The following PPP1R21 variants were observed in gnomAD, a reference collection of about 807,000 sequenced individuals.
The protein encoded by PPP1R21 is KLRAQ motif containing 1.
PPP1R21 carries 85 observed loss-of-function variants against 112.8 expected under a neutral mutation model. The ratio of observed to expected loss-of-function variants is 0.75; its 90% CI spans 0.63 to 0.90. PPP1R21 has a LOEUF of 0.90. PPP1R21 is among the 40% of genes least tolerant of loss of function. PPP1R21 has a pLI of 0.00. For missense variants in PPP1R21, 1,199 were observed against 901.5 expected (o/e 1.33, Z -4.23); for synonymous variants, 381 against 322.3 (o/e 1.18, Z -1.95).
In PPP1R21 at chr2:48,515,162, TCTTATTATAGTTGAAGGCATTCTCCAG is replaced by T. The variant is rs1211619431; in HGVS notation, c.*419_*445del. The T allele has an allele frequency of 1.3e-5, 2 of 155,454 alleles. No homozygotes were observed. Among genetic ancestry groups the T allele is most frequent in the African/African-American group, 5.3e-5 (2 of 38,066 alleles). 9.6% of individuals were successfully genotyped at this position (155,454 alleles called of 1,614,324 possible). On this transcript the variant is annotated 3_prime_UTR_variant, in exon 22 of 22. Coordinates refer to ENST00000294952, the MANE Select transcript of PPP1R21 (RefSeq NM_001135629.3). ...CTTAAATTGTCAAACTGTCATTACT[TCTTATTATAGTTGAAGGCATTCTCCAG>T]ATTCTTTTTAAAAGATTTGTTCATA...
At chr2:48,476,928 C>A (rs752583546) in intron 12 of PPP1R21, among the ~76,000 whole-genome samples, 2 of 151,912 alleles carry the variant, frequency 1.3e-5, no homozygotes, top group African/African-American at 4.8e-5. Context: ...CTTTGAGGAA[C>A]AAAAATGTTC....
chr2:48,471,163 T>C lies in PPP1R21; in HGVS notation c.974T>C (p.Ile325Thr), dbSNP rs1396883132. 2 of 1,613,168 alleles carry C rather than the reference T, an allele frequency of 1.2e-6. No individual in the cohort carries two copies. Among genetic ancestry groups the C allele is most frequent in the East Asian group, 2.2e-5 (1 of 44,828 alleles). The change falls in exon 10 of 22, where the codon ATC (isoleucine) becomes ACC (threonine). Residue 325 changes from isoleucine to threonine, a missense_variant. Ile to Thr is a moderately conservative substitution (Grantham distance 89). Transcript: ENST00000294952. ...EEGMLHLFES[I>T]TEDTVTVLET... Reference sequence around the variant, plus strand: ...GGAATGCTTCATTTATTTGAAAGTATCACTGAGGATACTGTGACTGTCTTG... The same window carrying C: ...GGAATGCTTCATTTATTTGAAAGTACCACTGAGGATACTGTGACTGTCTTG...
In PPP1R21 at chr2:48,514,769, G is replaced by C. The variant is rs145793868; in HGVS notation, c.*25G>C. On this transcript the variant is annotated 3_prime_UTR_variant, in exon 22 of 22. Transcript: ENST00000294952. The stretch of plus-strand genomic sequence containing the variant: ...GTTTTGAAATAGCTGGTTGGCGACT[G>C]TTCTTTCCAGACCTGCTCCTGCTGC... 2 of 1,612,762 alleles carry C rather than the reference G, an allele frequency of 1.2e-6. No individual in the cohort carries two copies. Among genetic ancestry groups the C allele is most frequent in the East Asian group, 2.2e-5 (1 of 44,880 alleles).
intron 8 of PPP1R21, 51 bp from the exon 9 acceptor site, chr2:48,465,442 T>G: frequency 6.5e-7 from 1 of 1,528,166 alleles, no homozygotes; most frequent in Non-Finnish European, 8.9e-7. Flanking sequence ...AAAGTTCTTT[T>G]AGGATAATAA....
rs1227802500 is a variant in PPP1R21, at chr2:48,474,799, T to C, written c.1205T>C (p.Ile402Thr). 1 of 1,613,450 alleles carries C rather than the reference T, an allele frequency of 6.2e-7. No homozygotes were observed. Among genetic ancestry groups the C allele is most frequent in the Non-Finnish European group, 8.5e-7 (1 of 1,179,706 alleles). Residue 402 changes from isoleucine (I) to threonine (T), a missense_variant, in exon 12 of 22, where the codon ATA becomes ACA. Ile to Thr is a moderately conservative substitution (Grantham distance 89). Coordinates refer to ENST00000294952, the MANE Select transcript of PPP1R21 (RefSeq NM_001135629.3). ...TAVFEKLQTY[I>T]ALLALPSTEP... Reference sequence around the variant, plus strand: ...GTGTTTGAGAAGCTGCAGACTTACATAGCTCTTCTTGCCTTGCCAAGTAAG... The same window carrying C: ...GTGTTTGAGAAGCTGCAGACTTACACAGCTCTTCTTGCCTTGCCAAGTAAG...
intron 12 of PPP1R21, among the ~76,000 whole-genome samples, chr2:48,478,759 AC>A (rs1668870050): frequency 6.6e-6 from 1 of 152,160 alleles, no homozygotes; most frequent in Non-Finnish European, 1.5e-5. Context: ...CCACAGTTTA[AC>A]TTATATCGCT....
At chr2:48,490,819 A>T (rs936693719) in intron 14 of PPP1R21, among the ~76,000 whole-genome samples, 199 bp from the exon 15 acceptor site, 2 of 152,200 alleles carry the variant, frequency 1.3e-5, no homozygotes, top group African/African-American at 4.8e-5. Context: ...CTGACTATTT[A>T]TACTGGTGTC....
chr2:48,469,533 T>TAG lies in PPP1R21; in HGVS notation c.898-1553_898-1552insGA, dbSNP rs1412522411. Among the ~76,000 whole-genome samples the TAG allele has an allele frequency of 1.1e-4, 7 of 65,856 alleles. 3 individuals carry two copies. The highest frequency in any genetic ancestry group is 9.5e-4 in the East Asian group (3 of 3,142). The allele number at this position is 65,856 out of a possible 152,430, so 43.2% of individuals were successfully genotyped here. On this transcript the variant is annotated intron_variant, in intron 9 of 21. Coordinates refer to ENST00000294952, the MANE Select transcript of PPP1R21 (RefSeq NM_001135629.3). ...GCATATATATATATATATATATATA[T>TAG]ATAGAGCATATATATATATAGAGAG... is the stretch of plus-strand genomic sequence containing the variant.
At chr2:48,507,492 CAAGT>C in intron 19 of PPP1R21, 107 bp downstream of exon 19, 1 of 1,496,260 alleles carries the variant, frequency 6.7e-7, no homozygotes, top group Non-Finnish European at 8.8e-7. Flanking sequence ...GTCAGTGTCC[CAAGT>C]AGCTGGGACT....
intron 13 of PPP1R21, among the ~76,000 whole-genome samples, chr2:48,484,418 C>G (rs181868693): frequency 1.2e-4 from 19 of 152,044 alleles, no homozygotes; most frequent in African/African-American, 4.1e-4. Context: ...AATCTATGGT[C>G]TAAGTCACAT....
chr2:48,466,177 A>T (rs186286486), intron 9 of PPP1R21, among the ~76,000 whole-genome samples: 1 of 151,790 alleles, frequency 6.6e-6, no homozygotes, highest in Admixed American at 6.6e-5. Flanking sequence ...TGAGATTTGC[A>T]TGGGGACATA....
intron 11 of PPP1R21, among the ~76,000 whole-genome samples, chr2:48,474,288 C>T (rs1208535068): frequency 6.6e-6 from 1 of 152,114 alleles, no homozygotes; most frequent in Non-Finnish European, 1.5e-5. Context: ...GAGGCTGAGG[C>T]ACGAGAATGG....
chr2:48,462,522 G>C (rs548764509), intron 7 of PPP1R21, among the ~76,000 whole-genome samples: 1 of 152,142 alleles, frequency 6.6e-6, no homozygotes, highest in South Asian at 2.1e-4. Flanking sequence ...CAGAGATAAG[G>C]GTAAAATCTA....
intron 13 of PPP1R21, among the ~76,000 whole-genome samples, chr2:48,484,544 T>A (rs1010857008): frequency 6.6e-6 from 1 of 151,934 alleles, no homozygotes; most frequent in African/African-American, 2.4e-5. Context: ...CTGGACTGAT[T>A]CTTGCTCTGT....
At chr2:48,473,587 A>G (rs754222022) in intron 11 of PPP1R21, among the ~76,000 whole-genome samples, 4 of 152,220 alleles carry the variant, frequency 2.6e-5, no homozygotes, top group Non-Finnish European at 4.4e-5. Flanking sequence ...GCATTGGTTT[A>G]AATACCACTT....
At chr2:48,499,054 A>T (rs891769231) in intron 17 of PPP1R21, among the ~76,000 whole-genome samples, 1 of 150,160 alleles carries the variant, frequency 6.7e-6, no homozygotes, top group Non-Finnish European at 1.5e-5. Context: ...TATTAATCCT[A>T]TTAGGTTATT....
At position 48,461,271 on chromosome 2, in the gene PPP1R21, GAATCTCTCTGTGGTAGCCAACT is replaced by G. The variant is rs768017774; in HGVS notation, c.694+43_694+64del. On this transcript the variant is annotated intron_variant, in intron 7 of 21. Transcript: ENST00000294952. ...ACAGTTTTCCATTATTTGTAACTTT[GAATCTCTCTGTGGTAGCCAACT>G]AATTAAAGTAATTTTTAATCTTTTG... 4.0e-6 allele frequency: 6 copies of G among 1,493,198 alleles called. 1 individual carries two copies. The South Asian group carries it at 8.2e-5, about 21-fold the overall frequency. The allele number at this position is 1,493,198 out of a possible 1,614,324, so 92.5% of individuals were successfully genotyped here.
At chr2:48,451,586 T>G (rs949533297) in intron 2 of PPP1R21, among the ~76,000 whole-genome samples, 1 of 152,240 alleles carries the variant, frequency 6.6e-6, no homozygotes, top group Non-Finnish European at 1.5e-5. Context: ...CCATCAGCAT[T>G]TTTGTTAACT....
At position 48,486,683 on chromosome 2, in the gene PPP1R21, A is replaced by C. The variant is rs1669315610; in HGVS notation, c.1371A>C (p.Thr457=). ...CTGCAATAGAGCATGAACTTCCAAC[A>C]GCAACACAGAAGCTGATAACAACTA... ...QKAAIEHELP[T]ATQKLITTND... Residue 457 remains threonine (T), a synonymous_variant, in exon 14 of 22, where the codon ACA becomes ACC. Transcript: ENST00000294952. 1 of 1,613,712 alleles carries C rather than the reference A, an allele frequency of 6.2e-7. No individual in the cohort carries two copies. Among genetic ancestry groups the C allele is most frequent in the South Asian group, 1.1e-5 (1 of 91,070 alleles).
Sources: gnomAD v4.1 joint callset for allele counts (sites outside exome capture counted in the v4.1 genomes callset) on GRCh38, gnomAD v4.1.1 for gene constraint, MANE v1.5 for transcripts, NCBI Gene and HGNC (gene_info 2026-07-23, HGNC 2026-07-21) for gene names.